DPP10: variants seen among roughly 807,000 people sequenced by gnomAD.
DPP10 encodes inactive dipeptidyl peptidase 10.
A neutral mutation model predicts 120.9 loss-of-function variants in DPP10; 33 were observed. That is an observed-to-expected ratio of 0.27 (90% confidence interval 0.21 to 0.37). DPP10 has a LOEUF of 0.37. DPP10 is among the 10% of genes least tolerant of loss of function. The pLI, the probability that DPP10 is intolerant of heterozygous loss-of-function variation, is 1.00. For synonymous variants in DPP10, 337 were observed against 326.1 expected (o/e 1.03, Z -0.36); for missense variants, 816 against 942.8 (o/e 0.87, Z 1.76).
intron 1 of DPP10, among the ~76,000 whole-genome samples, chr2:114,739,549 C>T (rs777118531): frequency 6.6e-6 from 1 of 152,036 alleles, no homozygotes; most frequent in Non-Finnish European, 1.5e-5. Flanking sequence ...ATCCCAGCTA[C>T]TTGGGAGGCT....
chr2:115,842,419 A>G lies in DPP10; in HGVS notation c.*74A>G. 1 of 1,515,774 alleles carries G rather than the reference A, an allele frequency of 6.6e-7. No individual in the cohort carries two copies. 93.9% of individuals were successfully genotyped at this position (1,515,774 alleles called of 1,614,324 possible). ...CCTGACAAAGAGACTGTAATATTGT[A>G]GTTGCTCCAGAATGTCAAGGGCAGC... On this transcript the variant is annotated 3_prime_UTR_variant, in exon 26 of 26. Transcript: ENST00000410059.
intron 1 of DPP10, among the ~76,000 whole-genome samples, chr2:114,445,539 TG>T (rs1677892284): frequency 1.2e-4 from 3 of 24,722 alleles, no homozygotes; most frequent in South Asian, 8.2e-4. Context: ...CAGCTCTGTG[TG>T]TGTGTGTGTG....
At chr2:115,117,598 A>G (rs773341959) in intron 1 of DPP10, among the ~76,000 whole-genome samples, 1 of 152,224 alleles carries the variant, frequency 6.6e-6, no homozygotes, top group Non-Finnish European at 1.5e-5. Flanking sequence ...ACAGTGTGAG[A>G]GCCTGTCTCT....
At chr2:114,581,742 T>C (rs1263274055) in intron 1 of DPP10, among the ~76,000 whole-genome samples, 1 of 152,212 alleles carries the variant, frequency 6.6e-6, no homozygotes, top group African/African-American at 2.4e-5. Flanking sequence ...CTCATACTCA[T>C]GATTTACTTA....
At chr2:114,621,868 G>A (rs1469752369) in intron 1 of DPP10, among the ~76,000 whole-genome samples, 4 of 151,664 alleles carry the variant, frequency 2.6e-5, no homozygotes, top group African/African-American at 9.7e-5. Context: ...GATTCAAACA[G>A]CTGGTCCAGG....
intron 19 of DPP10, among the ~76,000 whole-genome samples, chr2:115,800,457 A>G (rs1420674675): frequency 6.6e-6 from 1 of 152,088 alleles, no homozygotes; most frequent in East Asian, 1.9e-4. Flanking sequence ...ACATTTGTCA[A>G]TTTTGGCTTT....
intron 1 of DPP10, among the ~76,000 whole-genome samples, chr2:114,723,825 A>G (rs143654466): frequency 1.1e-3 from 170 of 152,250 alleles, no homozygotes; most frequent in African/African-American, 3.9e-3. Flanking sequence ...TTATGACTTA[A>G]TATGTCATAT....
At chr2:115,439,511 T>G (rs1309205579) in intron 3 of DPP10, among the ~76,000 whole-genome samples, 3 of 152,194 alleles carry the variant, frequency 2.0e-5, no homozygotes, top group Non-Finnish European at 4.4e-5. Flanking sequence ...ATAGAATATT[T>G]TAATCTTGAC....
intron 1 of DPP10, among the ~76,000 whole-genome samples, chr2:114,767,982 G>A (rs907937217): frequency 3.3e-5 from 5 of 151,994 alleles, no homozygotes; most frequent in African/African-American, 1.2e-4. Flanking sequence ...AGAAAAATTA[G>A]CCGGGCATGG....
chr2:115,763,075 G>A (rs185390320), intron 12 of DPP10, among the ~76,000 whole-genome samples: 65 of 152,128 alleles, frequency 4.3e-4, no homozygotes, highest in African/African-American at 9.9e-4. Flanking sequence ...TGAACATGAC[G>A]GACTAAAAAC....
At chr2:115,581,012 G>A (rs997524766) in intron 5 of DPP10, among the ~76,000 whole-genome samples, 4 of 152,120 alleles carry the variant, frequency 2.6e-5, no homozygotes, top group Admixed American at 1.3e-4. Context: ...GACAAGTTTC[G>A]GGAAAGTGTC....
chr2:115,646,485 A>G (rs1040106096), intron 5 of DPP10, among the ~76,000 whole-genome samples: 33 of 152,194 alleles, frequency 2.2e-4, no homozygotes, highest in African/African-American at 7.7e-4. Flanking sequence ...CACCTGCATT[A>G]TTTGTGCTGA....
chr2:115,381,956 A>C lies in DPP10; in HGVS notation c.271+38044A>C, dbSNP rs566068070. Reference sequence around the variant, plus strand: ...CTGGGAGAACCACTGCTCTCTTCAAAGCTGTCAGACAGGGACATTTACGTC... The same window carrying C: ...CTGGGAGAACCACTGCTCTCTTCAACGCTGTCAGACAGGGACATTTACGTC... On this transcript the variant is annotated intron_variant, in intron 3 of 25. Transcript: ENST00000410059. Among the ~76,000 whole-genome samples, 493 of 152,116 alleles carry C rather than the reference A, an allele frequency of 3.2e-3. 2 individuals are homozygous for C. Among genetic ancestry groups the C allele is most frequent in the African/African-American group, 0.011 (470 of 41,526 alleles).
intron 1 of DPP10, among the ~76,000 whole-genome samples, chr2:115,254,936 G>A (rs978861501): frequency 4.6e-5 from 7 of 152,136 alleles, no homozygotes; most frequent in Non-Finnish European, 1.0e-4. Context: ...TGGCTTTACA[G>A]GTGCCCAGTT....
At position 114,738,552 on chromosome 2, in the gene DPP10, T is replaced by C. The variant is rs115545952; in HGVS notation, c.60+295714T>C. On this transcript the variant is annotated intron_variant, in intron 1 of 25. Transcript: ENST00000410059. ...GAGCACTAGCCTGTGTGGGGAGCACTAGCCTGTGTGAGGAGCACCGGCCTG... is the reference window on the plus strand; with the variant it reads ...GAGCACTAGCCTGTGTGGGGAGCACCAGCCTGTGTGAGGAGCACCGGCCTG... 1.9e-3 allele frequency among the ~76,000 whole-genome samples: 285 copies of C among 152,246 alleles called. 1 individual carries two copies. Among genetic ancestry groups the C allele is most frequent in the African/African-American group, 4.4e-3 (181 of 41,522 alleles).
At chr2:114,528,597 G>A (rs1685701261) in intron 1 of DPP10, among the ~76,000 whole-genome samples, 1 of 151,458 alleles carries the variant, frequency 6.6e-6, no homozygotes, top group African/African-American at 2.4e-5. Flanking sequence ...CTACACCTGA[G>A]GAACTCACTG....
intron 5 of DPP10, among the ~76,000 whole-genome samples, chr2:115,586,416 T>C (rs2082293776): frequency 6.6e-6 from 1 of 152,238 alleles, no homozygotes; most frequent in African/African-American, 2.4e-5. Context: ...AATACCATTG[T>C]CATACATTCT....
chr2:115,115,715 T>C (rs1376356569), intron 1 of DPP10, among the ~76,000 whole-genome samples: 1 of 152,202 alleles, frequency 6.6e-6, no homozygotes, highest in African/African-American at 2.4e-5. Context: ...AGATGAAATA[T>C]TCCTGGCATA....
intron 17 of DPP10, among the ~76,000 whole-genome samples, chr2:115,786,681 A>G (rs1683384272): frequency 6.6e-6 from 1 of 152,194 alleles, no homozygotes; most frequent in Non-Finnish European, 1.5e-5. Context: ...CTCCAATGCA[A>G]TAAGGAATAA....
Sources: gnomAD v4.1 joint callset for allele counts (sites outside exome capture counted in the v4.1 genomes callset) on GRCh38, gnomAD v4.1.1 for gene constraint, MANE v1.5 for transcripts, NCBI Gene and HGNC (gene_info 2026-07-23, HGNC 2026-07-21) for gene names.